Variants in AUTS2 observed in about 807,000 individuals in gnomAD.
AUTS2 encodes activator of transcription and developmental regulator AUTS2, also known as autism susceptibility gene 2 protein.
In AUTS2, 17 loss-of-function variants were observed where a neutral mutation model predicts 112.4. The observed-to-expected ratio is 0.15, with a 90% confidence interval of 0.10 to 0.23. AUTS2 has a LOEUF of 0.23. AUTS2 is among the 10% of genes least tolerant of loss of function. AUTS2 has a pLI of 1.00. For missense variants in AUTS2, 1,510 were observed against 1,701.6 expected (o/e 0.89, Z 1.98); for synonymous variants, 751 against 702.7 (o/e 1.07, Z -1.09).
At chr7:70,586,059 C>T (rs998672893) in intron 5 of AUTS2, among the ~76,000 whole-genome samples, 1 of 152,058 alleles carries the variant, frequency 6.6e-6, no homozygotes, top group African/African-American at 2.4e-5. Context: ...GACAGAGTTT[C>T]ACCTTGTTGG....
chr7:69,709,974 A>G (rs1490130674), intron 1 of AUTS2, among the ~76,000 whole-genome samples: 1 of 152,158 alleles, frequency 6.6e-6, no homozygotes, highest in African/African-American at 2.4e-5. Context: ...CACTTAAATA[A>G]ATCAGTCCAA....
intron 1 of AUTS2, among the ~76,000 whole-genome samples, chr7:69,742,536 G>C (rs1392635675): frequency 6.6e-6 from 1 of 152,114 alleles, no homozygotes; most frequent in African/African-American, 2.4e-5. Context: ...TCCATACTTT[G>C]ACTAACTTTT....
intron 4 of AUTS2, among the ~76,000 whole-genome samples, chr7:70,362,548 G>C (rs1011240280): frequency 4.6e-5 from 7 of 152,058 alleles, no homozygotes; most frequent in African/African-American, 1.7e-4. Flanking sequence ...TTTCAAGCAG[G>C]AGAAATTCAT....
chr7:69,893,921 A>C (rs1794628749), intron 1 of AUTS2, among the ~76,000 whole-genome samples: 1 of 152,176 alleles, frequency 6.6e-6, no homozygotes, highest in African/African-American at 2.4e-5. Context: ...GAAGATTGTA[A>C]TTTGGGAGAA....
At position 70,272,235 on chromosome 7, in the gene AUTS2, TA is replaced by T. The variant is rs59227972; in HGVS notation, c.660+137677del. Among the ~76,000 whole-genome samples, 1,383 of 142,724 alleles carry T rather than the reference TA, an allele frequency of 9.7e-3. 12 individuals are homozygous for T. Among genetic ancestry groups the T allele is most frequent in the Non-Finnish European group, 9.3e-3 (606 of 64,844 alleles). 93.6% of individuals were successfully genotyped at this position (142,724 alleles called of 152,430 possible). A position where few individuals can be genotyped will look rare whatever the true frequency, so the allele number is the denominator to read the frequency against. ...CAAGGGAAGTGTGTTGTAGTTAAAT[TA>T]AAAAAAAAAAAAGATAGGACACATT... On this transcript the variant is annotated intron_variant, in intron 4 of 18. Coordinates refer to ENST00000342771, the MANE Select transcript of AUTS2 (RefSeq NM_015570.4).
chr7:70,232,197 G>A (rs1439141990), intron 4 of AUTS2, among the ~76,000 whole-genome samples: 1 of 152,122 alleles, frequency 6.6e-6, no homozygotes, highest in Non-Finnish European at 1.5e-5. Flanking sequence ...AGGTGTAGCA[G>A]GGATTTTTAA....
intron 2 of AUTS2, among the ~76,000 whole-genome samples, chr7:70,095,860 A>G (rs534609046): frequency 1.3e-5 from 2 of 152,350 alleles, no homozygotes; most frequent in South Asian, 4.1e-4. Context: ...TATTGAAGAA[A>G]GGGTTTGATC....
chr7:69,673,193 G>C (rs1292933355), intron 1 of AUTS2, among the ~76,000 whole-genome samples: 1 of 152,156 alleles, frequency 6.6e-6, no homozygotes, highest in African/African-American at 2.4e-5. Context: ...TATGGGGATT[G>C]TATTCTGTGC....
At chr7:70,281,227 G>T (rs2129610503) in intron 4 of AUTS2, among the ~76,000 whole-genome samples, 1 of 152,254 alleles carries the variant, frequency 6.6e-6, no homozygotes, top group South Asian at 2.1e-4. Context: ...CCCATAATTT[G>T]TACCTTGAGA....
chr7:70,493,830 T>C (rs183889416), intron 5 of AUTS2, among the ~76,000 whole-genome samples: 323 of 152,308 alleles, frequency 2.1e-3, no homozygotes, highest in African/African-American at 7.2e-3. Context: ...TATCTTACTA[T>C]AATATACTAA....
intron 1 of AUTS2, among the ~76,000 whole-genome samples, chr7:69,750,120 G>A (rs998914924): frequency 6.6e-6 from 1 of 152,062 alleles, no homozygotes; most frequent in African/African-American, 2.4e-5. Context: ...TTCTCGTTCT[G>A]TTGATGACGA....
rs192196907 is a variant in AUTS2, at chr7:70,132,299, T to A, written c.625-2237T>A. Among the ~76,000 whole-genome samples, 372 of 152,044 alleles carry A rather than the reference T, an allele frequency of 2.4e-3. 3 individuals carry two copies. The highest frequency in any genetic ancestry group is 8.5e-3 in the African/African-American group (352 of 41,456). ...ACCTTTAATGTATATGGGGATCTTG[T>A]GTCTGTGTTCCCTCGTGTGTCTGTG... On this transcript the variant is annotated intron_variant, in intron 3 of 18. Coordinates refer to ENST00000342771, the MANE Select transcript of AUTS2 (RefSeq NM_015570.4).
chr7:70,222,062 T>C (rs879264987), intron 4 of AUTS2, among the ~76,000 whole-genome samples: 3 of 152,244 alleles, frequency 2.0e-5, no homozygotes, highest in Admixed American at 2.0e-4. Flanking sequence ...AATATCTGTA[T>C]GTATATTCTT....
At chr7:70,204,683 C>G (rs772554180) in intron 4 of AUTS2, among the ~76,000 whole-genome samples, 4 of 152,056 alleles carry the variant, frequency 2.6e-5, no homozygotes, top group Non-Finnish European at 5.9e-5. Flanking sequence ...CCTTGAAAGG[C>G]AGGAACCTTC....
At chr7:70,225,481 C>A (rs1475108062) in intron 4 of AUTS2, among the ~76,000 whole-genome samples, 4 of 152,106 alleles carry the variant, frequency 2.6e-5, no homozygotes, top group African/African-American at 4.8e-5. Flanking sequence ...GGAGCTTTGT[C>A]ATATGAAAAG....
intron 1 of AUTS2, among the ~76,000 whole-genome samples, chr7:69,772,682 C>T (rs1346806169): frequency 6.6e-6 from 1 of 152,186 alleles, no homozygotes; most frequent in Admixed American, 6.5e-5. Context: ...GATCCTCATG[C>T]CTTGGCCTCC....
intron 4 of AUTS2, among the ~76,000 whole-genome samples, chr7:70,302,941 T>C (rs1035348516): frequency 2.0e-5 from 3 of 151,366 alleles, no homozygotes; most frequent in Admixed American, 6.6e-5. Flanking sequence ...ATTTCCATTC[T>C]GTCCTAATAT....
At chr7:70,067,104 A>G (rs985284804) in intron 2 of AUTS2, among the ~76,000 whole-genome samples, 1 of 152,194 alleles carries the variant, frequency 6.6e-6, no homozygotes, top group African/African-American at 2.4e-5. Context: ...CTTAGTGGGG[A>G]AAAAGAGGCG....
chr7:70,236,587 C>G (rs1812341072), intron 4 of AUTS2, among the ~76,000 whole-genome samples: 1 of 152,224 alleles, frequency 6.6e-6, no homozygotes, highest in Non-Finnish European at 1.5e-5. Flanking sequence ...GGATCTCAGA[C>G]TATTTCCCAC....
Sources: gnomAD v4.1 joint callset for allele counts (sites outside exome capture counted in the v4.1 genomes callset) on GRCh38, gnomAD v4.1.1 for gene constraint, MANE v1.5 for transcripts, NCBI Gene and HGNC (gene_info 2026-07-23, HGNC 2026-07-21) for gene names.